The following MFSD8 variants were observed in gnomAD, a reference collection of about 807,000 sequenced individuals.
The protein encoded by MFSD8 is major facilitator superfamily domain-containing protein 8.
In MFSD8, 55 loss-of-function variants were observed where a neutral mutation model predicts 66.4. The ratio of observed to expected loss-of-function variants is 0.83; its 90% confidence interval spans 0.67 to 1.04. The LOEUF is 1.04. MFSD8 is among the 50% of genes least tolerant of loss of function. MFSD8 has a pLI of 0.00. For missense variants in MFSD8, 550 were observed against 627.6 expected (o/e 0.88, Z 1.32); for synonymous variants, 202 against 212.8 (o/e 0.95, Z 0.44).
chr4:127,938,702 C>A (rs1029630966), intron 7 of MFSD8, 81 bp downstream of exon 7: 5 of 1,205,792 alleles, frequency 4.1e-6, no homozygotes, highest in Admixed American at 1.8e-5. Flanking sequence ...GAAGCAAAAT[C>A]GAAGTAAATA....
At position 127,930,736 on chromosome 4, in the gene MFSD8, A is replaced by G. The variant is rs2148873447; in HGVS notation, c.945T>C (p.Ala315=). Reference sequence around the variant, plus strand: ...AAATAACAACGGCTTCAACCCCAAGAGCAGCAAGTATTATGCCATTATATA... The same window carrying G: ...AAATAACAACGGCTTCAACCCCAAGGGCAGCAAGTATTATGCCATTATATA... ...AVLYNGIILA[A]LGVEAVVIFL... Residue 315 remains alanine, a synonymous_variant, in exon 9 of 12, where the codon GCT becomes GCC. Transcript: ENST00000641686. 3 of 1,613,734 alleles carry G rather than the reference A, an allele frequency of 1.9e-6. No individual in the cohort carries two copies. The highest frequency in any genetic ancestry group is 3.3e-4 in the Middle Eastern group (2 of 6,058).
intron 9 of MFSD8, 73 bp downstream of exon 9, chr4:127,930,610 C>T (rs1737959722): frequency 6.6e-7 from 1 of 1,512,570 alleles, no homozygotes; most frequent in Non-Finnish European, 9.1e-7. Flanking sequence ...CTGGTATATC[C>T]ATTTGCATTG....
chr4:127,965,593 C>A, upstream of MFSD8: 1 of 227,084 alleles, frequency 4.4e-6, no homozygotes, highest in South Asian at 5.3e-5. Context: ...TCGCAGGCTT[C>A]CACCTGGCGG....
intron 9 of MFSD8, 24 bp downstream of exon 9, chr4:127,930,659 T>G: frequency 6.2e-7 from 1 of 1,612,918 alleles, no homozygotes; most frequent in Non-Finnish European, 8.5e-7. Context: ...AAAACAGACA[T>G]AAAACCAAAA....
chr4:127,936,001 C>A (rs1357526079), intron 7 of MFSD8, among the ~76,000 whole-genome samples: 4 of 151,960 alleles, frequency 2.6e-5, no homozygotes, highest in Non-Finnish European at 5.9e-5. Context: ...ATACAGGAGA[C>A]CCAGTTAAAT....
chr4:127,960,485 G>A (rs1303494065), intron 1 of MFSD8, among the ~76,000 whole-genome samples: 1 of 152,094 alleles, frequency 6.6e-6, no homozygotes, highest in Non-Finnish European at 1.5e-5. Flanking sequence ...AGCAGAGATT[G>A]TGCCACTGCA....
At chr4:127,951,797 C>G (rs183777033) in intron 2 of MFSD8, among the ~76,000 whole-genome samples, 1 of 149,672 alleles carries the variant, frequency 6.7e-6, no homozygotes, top group African/African-American at 2.5e-5. Context: ...GGCGCAATCT[C>G]GGCTCATTGC....
chr4:127,961,707 T>C (rs1033187880), intron 1 of MFSD8, among the ~76,000 whole-genome samples: 3 of 151,190 alleles, frequency 2.0e-5, no homozygotes, highest in Non-Finnish European at 4.4e-5. Context: ...TCCCAGCTAC[T>C]CTACTCGGGA....
chr4:127,938,840 T>G lies in MFSD8; in HGVS notation c.699-2A>C. The stretch of plus-strand genomic sequence containing the variant: ...CCTGAGTCATCCACACGATGTTCTC[T>G]TAAAAAGAAAAACACAAATATTGTA... On this transcript the variant is annotated splice_acceptor_variant, in intron 6 of 11. Coordinates refer to ENST00000641686, the MANE Select transcript of MFSD8 (RefSeq NM_001371596.2). LOFTEE classifies it high-confidence loss of function. 4.4e-6 allele frequency: 7 copies of G among 1,606,162 alleles called. No homozygotes were observed. The highest frequency in any genetic ancestry group is 6.0e-6 in the Non-Finnish European group (7 of 1,174,608).
chr4:127,936,057 G>T (rs1739020138), intron 7 of MFSD8, among the ~76,000 whole-genome samples: 1 of 151,458 alleles, frequency 6.6e-6, no homozygotes, highest in African/African-American at 2.4e-5. Flanking sequence ...TATGTTCTGT[G>T]CCATATTTGA....
intron 8 of MFSD8, chr4:127,932,654 A>G (rs1738347774): frequency 9.4e-6 from 2 of 212,248 alleles, no homozygotes; most frequent in South Asian, 1.5e-4. Flanking sequence ...ATATATACAT[A>G]TATGTAGGAA....
rs1415024142 is a variant in MFSD8, at chr4:127,920,665, C to G, written c.1522G>C (p.Ala508Pro). ...LLGVVYKRLI[A>P]LSVRYGRIQE ...ATCCTCCCATATCTTACAGAAAGAGCAATGAGTCTTTTGTAAACCACTCCC... is the reference window on the plus strand; with the variant it reads ...ATCCTCCCATATCTTACAGAAAGAGGAATGAGTCTTTTGTAAACCACTCCC... The change falls in exon 12 of 12, where the codon GCT (alanine) becomes CCT (proline). Residue 508 changes from alanine (A) to proline (P), a missense_variant. Ala to Pro is a conservative substitution (Grantham distance 27). Transcript: ENST00000641686. 2 of 1,613,864 alleles carry G rather than the reference C, an allele frequency of 1.2e-6. No homozygotes were observed. The highest frequency in any genetic ancestry group is 2.2e-5 in the East Asian group (1 of 44,882).
chr4:127,946,280 T>C (rs1446905298), intron 3 of MFSD8, among the ~76,000 whole-genome samples: 1 of 152,144 alleles, frequency 6.6e-6, no homozygotes, highest in African/African-American at 2.4e-5. Context: ...AAGAGAGTAC[T>C]TTTCAAAACT....
chr4:127,963,630 T>C (rs1206733305), intron 1 of MFSD8, among the ~76,000 whole-genome samples: 1 of 152,176 alleles, frequency 6.6e-6, no homozygotes, highest in Non-Finnish European at 1.5e-5. Flanking sequence ...TTCCTCCCCG[T>C]GGTCTCGCTG....
intron 2 of MFSD8, among the ~76,000 whole-genome samples, chr4:127,956,897 C>T (rs1253051490): frequency 6.6e-6 from 1 of 150,620 alleles, no homozygotes; most frequent in Non-Finnish European, 1.5e-5. Flanking sequence ...TGTCTAGTTT[C>T]GTTTGTATGT....
chr4:127,955,357 A>G lies in MFSD8; in HGVS notation c.154+2144T>C, dbSNP rs113724826. On this transcript the variant is annotated intron_variant, in intron 2 of 11. Transcript: ENST00000641686. ...GGAGTTCAAGACCAGCCTGGCCAAG[A>G]TGGTGAAACCCCATCTCTACTAAAA... Among the ~76,000 whole-genome samples the G allele has an allele frequency of 5.5e-3, 834 of 152,060 alleles. 13 individuals are homozygous for G. Among genetic ancestry groups the G allele is most frequent in the African/African-American group, 0.019 (790 of 41,468 alleles).
At chr4:127,946,623 C>A (rs773798980) in intron 3 of MFSD8, among the ~76,000 whole-genome samples, 1 of 151,896 alleles carries the variant, frequency 6.6e-6, no homozygotes, top group Non-Finnish European at 1.5e-5. Flanking sequence ...AGTAGAAATT[C>A]GTAAAAACTG....
intron 2 of MFSD8, among the ~76,000 whole-genome samples, chr4:127,952,391 A>G (rs889184434): frequency 1.3e-4 from 19 of 151,806 alleles, no homozygotes; most frequent in Middle Eastern, 3.4e-3. Context: ...GTGACAGAGC[A>G]AGACTCTGTC....
Position 127,920,718 on chromosome 4 carries a change from C to T in MFSD8, c.1469G>A (p.Gly490Glu), listed in dbSNP as rs561194518. ...GAGGGTGATGGTGAGCACTATTATT[C>T]CACACACCAGGCTGAATGCCCATCG... ...GPRWAFSLVCGIIVLTITLLG... is the reference protein window; with the variant it reads ...GPRWAFSLVCEIIVLTITLLG... Residue 490 changes from glycine to glutamate, a missense_variant, in exon 12 of 12, where the codon GGA (glycine) becomes GAA (glutamate). Physicochemically the swap from Gly to Glu is moderately conservative, Grantham distance 98 (BLOSUM62 -2). Coordinates refer to ENST00000641686, the MANE Select transcript of MFSD8 (RefSeq NM_001371596.2). 3.1e-6 allele frequency: 5 copies of T among 1,614,022 alleles called. No individual in the cohort carries two copies. In the East Asian group the frequency reaches 8.9e-5, roughly 29 times the overall value.
Sources: gnomAD v4.1 joint callset for allele counts (sites outside exome capture counted in the v4.1 genomes callset) on GRCh38, gnomAD v4.1.1 for gene constraint, MANE v1.5 for transcripts, NCBI Gene and HGNC (gene_info 2026-07-23, HGNC 2026-07-21) for gene names.